The following WNT7A variants were observed in gnomAD, a reference collection of about 807,000 sequenced individuals.
The protein encoded by WNT7A is Wnt family member 7A.
Under a neutral mutation model 28.2 loss-of-function variants are expected in WNT7A, and 16 were observed. The ratio of observed to expected loss-of-function variants is 0.57; its 90% CI spans 0.38 to 0.86. The LOEUF (loss-of-function observed/expected upper bound fraction) is 0.86. WNT7A is among the 40% of genes least tolerant of loss of function. The probability of loss-of-function intolerance (pLI) is 0.00; values close to 1 mark genes in which losing one functional copy is unlikely to be tolerated. For synonymous variants in WNT7A, 190 were observed against 195.9 expected, an observed-to-expected ratio of 0.97 and a Z score of 0.25; for missense variants, 411 against 489.7, an observed-to-expected ratio of 0.84 and a Z score of 1.52.
chr3:13,849,597 A>G (rs576971876), intron 3 of WNT7A, among the ~76,000 whole-genome samples: 112 of 152,274 alleles, frequency 7.4e-4, no homozygotes, highest in African/African-American at 2.6e-3. Context: ...CTGACCCTGC[A>G]GTGGGAGGCA....
intron 3 of WNT7A, among the ~76,000 whole-genome samples, chr3:13,842,062 G>T (rs987881187): frequency 6.7e-6 from 1 of 150,338 alleles, no homozygotes; most frequent in Admixed American, 6.7e-5. Flanking sequence ...CAGAGAGAGC[G>T]AAGGGGAAGG....
chr3:13,844,326 G>A (rs1476377926), intron 3 of WNT7A, among the ~76,000 whole-genome samples: 1 of 152,214 alleles, frequency 6.6e-6, no homozygotes, highest in Non-Finnish European at 1.5e-5. Context: ...CACTTGGGAT[G>A]GGACCAGCAC....
intron 3 of WNT7A, among the ~76,000 whole-genome samples, chr3:13,851,618 C>G (rs1045448630): frequency 6.6e-5 from 10 of 152,174 alleles, no homozygotes; most frequent in Non-Finnish European, 1.3e-4. Flanking sequence ...CTTCTTGTAC[C>G]TGATTCTCTC....
In WNT7A at chr3:13,818,777, C is replaced by T; in HGVS notation, c.*167G>A. On this transcript the variant is annotated 3_prime_UTR_variant, in exon 4 of 4. Transcript: ENST00000285018. Reference sequence around the variant, plus strand: ...GTGTGGAACAGAATAGTTGAGGGCTCTGAGAGATTTTTTTTCCCCCACGGA... The same window carrying T: ...GTGTGGAACAGAATAGTTGAGGGCTTTGAGAGATTTTTTTTCCCCCACGGA... The T allele has an allele frequency of 2.8e-6, 3 of 1,080,494 alleles. No individual in the cohort carries two copies. Among genetic ancestry groups the T allele is most frequent in the Non-Finnish European group, 3.8e-6 (3 of 780,458 alleles). 66.9% of individuals were successfully genotyped at this position (1,080,494 alleles called of 1,614,324 possible). A position where few individuals can be genotyped will look rare whatever the true frequency, so the allele number is the denominator to read the frequency against.
rs1694035515 is a variant in WNT7A at position 13,817,973 on chromosome 3, C to G, written c.*971G>C. ...GGGCAGCTTGTGCCCACTTGGCAAA[C>G]AGAACTCAAGAATCCAGCTGTGCAA... On this transcript the variant is annotated 3_prime_UTR_variant, in exon 4 of 4. Coordinates refer to ENST00000285018, the MANE Select transcript of WNT7A (RefSeq NM_004625.4). 1 of 152,172 alleles carries G rather than the reference C, an allele frequency of 6.6e-6. No individual in the cohort carries two copies. The highest frequency in any genetic ancestry group is 2.4e-5 in the African/African-American group (1 of 41,450). The allele number at this position is 152,172 out of a possible 1,614,324, so 9.4% of individuals were successfully genotyped here.
chr3:13,822,586 G>T (rs930695428), intron 3 of WNT7A, among the ~76,000 whole-genome samples: 1 of 152,196 alleles, frequency 6.6e-6, no homozygotes, highest in South Asian at 2.1e-4. Flanking sequence ...GGTGGCTAAT[G>T]GGTACGGGTT....
chr3:13,868,800 G>GCA (rs2124874187), intron 2 of WNT7A, among the ~76,000 whole-genome samples: 1 of 59,560 alleles, frequency 1.7e-5, no homozygotes, highest in East Asian at 1.7e-3. Context: ...AAGGGAGAGA[G>GCA]AGAGAAAGAA....
chr3:13,854,754 G>A lies in WNT7A; in HGVS notation c.348C>T (p.Ala116=), dbSNP rs757143702. Residue 116 remains alanine (A), a synonymous_variant, in exon 3 of 4, where the codon GCC becomes GCT. Coordinates refer to ENST00000285018, the MANE Select transcript of WNT7A (RefSeq NM_004625.4). ...GGGTACAGGCAGCTGTGATGGCGTG[G>A]GCCACGCCGGCGGCAATGATGGCGT... ...FTYAIIAAGV[A]HAITAACTQG... The A allele has an allele frequency of 6.2e-7, 1 of 1,613,874 alleles. No individual in the cohort carries two copies.
rs200865772 is a variant in WNT7A, at chr3:13,868,826, A to G, written c.298+6121T>C. 6.2e-3 allele frequency among the ~76,000 whole-genome samples: 608 copies of G among 98,220 alleles called. 28 individuals are homozygous for G. Among genetic ancestry groups the G allele is most frequent in the African/African-American group, 0.026 (539 of 20,946 alleles). 64.4% of individuals were successfully genotyped at this position (98,220 alleles called of 152,430 possible). ...AGAGAAAGAAAGAGAGAGAGAGAGA[A>G]AGAGAGAAAGAGAGAGAGAAAGTGA... On this transcript the variant is annotated intron_variant, in intron 2 of 3. Coordinates refer to ENST00000285018, the MANE Select transcript of WNT7A (RefSeq NM_004625.4).
intron 1 of WNT7A, among the ~76,000 whole-genome samples, chr3:13,878,219 CA>C (rs1695142105): frequency 6.6e-6 from 1 of 152,038 alleles, no homozygotes; most frequent in Non-Finnish European, 1.5e-5. Context: ...GCGGGGCGGC[CA>C]GGGGAGGTTA....
intron 3 of WNT7A, among the ~76,000 whole-genome samples, chr3:13,828,565 C>T (rs1694233569): frequency 6.6e-6 from 1 of 152,166 alleles, no homozygotes; most frequent in Non-Finnish European, 1.5e-5. Context: ...TAGCCAGCCC[C>T]AAGTTGATGG....
intron 3 of WNT7A, among the ~76,000 whole-genome samples, chr3:13,854,116 A>T: frequency 6.6e-6 from 1 of 151,908 alleles, no homozygotes; most frequent in Non-Finnish European, 1.5e-5. Context: ...TGAGGCTCTG[A>T]CACACAGGAT....
chr3:13,828,836 G>A (rs551322845), intron 3 of WNT7A, among the ~76,000 whole-genome samples: 1 of 152,190 alleles, frequency 6.6e-6, no homozygotes, highest in Non-Finnish European at 1.5e-5. Context: ...ACGAAAGTAT[G>A]ATGTGGCCAA....
chr3:13,828,345 A>AT (rs1694230158), intron 3 of WNT7A, among the ~76,000 whole-genome samples: 1 of 152,226 alleles, frequency 6.6e-6, no homozygotes, highest in Non-Finnish European at 1.5e-5. Context: ...GAAGGGGTGC[A>AT]TGCAGCTGGG....
chr3:13,878,874 C>T (rs375910830), intron 1 of WNT7A, among the ~76,000 whole-genome samples: 244 of 152,276 alleles, frequency 1.6e-3, no homozygotes, highest in African/African-American at 5.7e-3. Context: ...AAAGGGTGAC[C>T]GGCTTTGCAC....
Position 13,854,514 on chromosome 3 carries a change from C to A in WNT7A, c.570+18G>T, listed in dbSNP as rs1694694171. The A allele has an allele frequency of 6.2e-7, 1 of 1,613,868 alleles. No homozygotes were observed. The highest frequency in any genetic ancestry group is 1.7e-5 in the Admixed American group (1 of 60,008). On this transcript the variant is annotated intron_variant, in intron 3 of 3. Coordinates refer to ENST00000285018, the MANE Select transcript of WNT7A (RefSeq NM_004625.4). ...CATCTCCGCGAGCGCCGCCCAGCTG[C>A]CCTCCCTGGCTTCCTACCTTTCGGC...
chr3:13,837,621 G>A (rs1169824812), intron 3 of WNT7A, among the ~76,000 whole-genome samples: 2 of 152,154 alleles, frequency 1.3e-5, no homozygotes, highest in South Asian at 2.1e-4. Context: ...GTGGGTTATT[G>A]TAGAAGAGGC....
intron 3 of WNT7A, among the ~76,000 whole-genome samples, chr3:13,842,165 G>A (rs987380207): frequency 6.6e-6 from 1 of 152,104 alleles, no homozygotes; most frequent in African/African-American, 2.4e-5. Flanking sequence ...TATAAGTGAG[G>A]GAGGCAGAGT....
intron 3 of WNT7A, 138 bp downstream of exon 3, chr3:13,854,394 G>T: frequency 7.1e-7 from 1 of 1,412,962 alleles, no homozygotes; most frequent in Non-Finnish European, 9.8e-7. Flanking sequence ...GCTACAAGCT[G>T]ATGCCAGCAC....
Sources: allele counts gnomAD v4.1 joint callset (sites outside exome capture counted in the v4.1 genomes callset), GRCh38; gene constraint gnomAD v4.1.1; transcripts MANE v1.5; gene names NCBI Gene and HGNC (gene_info 2026-07-23, HGNC 2026-07-21).